GNAQ: variants seen among roughly 807,000 people sequenced by gnomAD.
GNAQ encodes the protein G protein subunit alpha q.
GNAQ carries 8 observed loss-of-function variants against 43.9 expected under a neutral mutation model. The observed-to-expected ratio is 0.18, with a 90% CI of 0.11 to 0.33. GNAQ has a LOEUF of 0.33. Among genes scored for constraint, GNAQ ranks in the 10% least tolerant of loss-of-function variants. GNAQ has a pLI of 1.00. For synonymous variants in GNAQ, 155 were observed against 170.7 expected (o/e 0.91, Z 0.71); for missense variants, 158 against 450.8 (o/e 0.35, Z 5.88).
At chr9:77,809,723 C>T (rs887579702) in intron 3 of GNAQ, among the ~76,000 whole-genome samples, 2 of 152,138 alleles carry the variant, frequency 1.3e-5, no homozygotes, top group African/African-American at 2.4e-5. Flanking sequence ...TCTATCATTG[C>T]TGCCTGTCCT....
At chr9:77,875,002 G>C (rs1828105824) in intron 2 of GNAQ, among the ~76,000 whole-genome samples, 2 of 151,988 alleles carry the variant, frequency 1.3e-5, no homozygotes, top group East Asian at 2.0e-4. Flanking sequence ...TGATGAGACA[G>C]TGAAGAACCC....
Position 77,850,271 on chromosome 9 carries a change from C to T in GNAQ, c.322-34501G>A, listed in dbSNP as rs1349708687. On this transcript the variant is annotated intron_variant, in intron 2 of 6. Coordinates refer to ENST00000286548, the MANE Select transcript of GNAQ (RefSeq NM_002072.5). ...CCCTCACTCACCAAGTCAGCTCTGC[C>T]AGAAATCCTGGACAACCCTGGCTCC... is the stretch of plus-strand genomic sequence containing the variant. Among the ~76,000 whole-genome samples, 7 of 152,274 alleles carry T rather than the reference C, an allele frequency of 4.6e-5. No homozygotes were observed. The East Asian group carries it at 1.2e-3, about 25-fold the overall frequency.
At chr9:77,890,954 C>T (rs536002387) in intron 2 of GNAQ, among the ~76,000 whole-genome samples, 4 of 152,264 alleles carry the variant, frequency 2.6e-5, no homozygotes, top group African/African-American at 9.6e-5. Context: ...GCTAGTGAGA[C>T]TCTGTCTCCC....
At chr9:77,820,471 G>T (rs866355202) in intron 2 of GNAQ, among the ~76,000 whole-genome samples, 3 of 152,140 alleles carry the variant, frequency 2.0e-5, no homozygotes, top group African/African-American at 7.2e-5. Flanking sequence ...TGCTGGCTGG[G>T]TTCTCATTGT....
intron 1 of GNAQ, among the ~76,000 whole-genome samples, chr9:77,951,217 C>T (rs939581734): frequency 6.6e-6 from 1 of 150,880 alleles, no homozygotes; most frequent in Non-Finnish European, 1.5e-5. Context: ...CCTGCCTCAG[C>T]CTCCCTAGTA....
At chr9:78,001,704 A>T (rs1283226869) in intron 1 of GNAQ, among the ~76,000 whole-genome samples, 1 of 152,066 alleles carries the variant, frequency 6.6e-6, no homozygotes, top group African/African-American at 2.4e-5. Context: ...AGACCCTCTC[A>T]TGAGTTCAGC....
chr9:77,753,266 C>T (rs907481474), intron 5 of GNAQ, among the ~76,000 whole-genome samples: 3 of 152,114 alleles, frequency 2.0e-5, no homozygotes, highest in African/African-American at 7.2e-5. Flanking sequence ...CACAAACACA[C>T]ATACACATGC....
chr9:77,836,026 T>A (rs1213777724), intron 2 of GNAQ, among the ~76,000 whole-genome samples: 1 of 152,026 alleles, frequency 6.6e-6, no homozygotes, highest in Admixed American at 6.6e-5. Context: ...AGAAAAAAAA[T>A]CTGAAATTTG....
At chr9:77,935,253 T>A (rs1330302714) in intron 1 of GNAQ, among the ~76,000 whole-genome samples, 1 of 152,154 alleles carries the variant, frequency 6.6e-6, no homozygotes, top group African/African-American at 2.4e-5. Context: ...AGTTTAAAAT[T>A]CTCTCTTGGG....
At chr9:77,834,731 T>G (rs753726106) in intron 2 of GNAQ, among the ~76,000 whole-genome samples, 1 of 152,160 alleles carries the variant, frequency 6.6e-6, no homozygotes, top group African/African-American at 2.4e-5. Flanking sequence ...TTCTGACATT[T>G]CCATAAGATT....
Position 77,798,508 on chromosome 9 carries a change from G to A in GNAQ, c.477-860C>T, listed in dbSNP as rs547227403. Among the ~76,000 whole-genome samples the A allele has an allele frequency of 1.1e-4, 16 of 152,028 alleles. No individual in the cohort carries two copies. The South Asian group carries it at 1.2e-3, about 12-fold the overall frequency. On this transcript the variant is annotated intron_variant, in intron 3 of 6. Transcript: ENST00000286548. ...CTACAGACCTTACTGAATTTTATCC[G>A]TTGTTATATACTCATATGCTATATA...
At chr9:77,761,061 A>G (rs1265746965) in intron 5 of GNAQ, among the ~76,000 whole-genome samples, 5 of 142,100 alleles carry the variant, frequency 3.5e-5, no homozygotes, top group Middle Eastern at 4.6e-3. Flanking sequence ...CAGCCACCCC[A>G]TCTGGGAAGT....
At chr9:77,946,506 TAGTC>T (rs1368713867) in intron 1 of GNAQ, among the ~76,000 whole-genome samples, 1 of 152,176 alleles carries the variant, frequency 6.6e-6, no homozygotes, top group Non-Finnish European at 1.5e-5. Context: ...GTCTTAGCAC[TAGTC>T]AGTCAGTGCC....
intron 1 of GNAQ, among the ~76,000 whole-genome samples, chr9:78,012,464 C>T (rs1823785721): frequency 6.6e-6 from 1 of 151,962 alleles, no homozygotes; most frequent in African/African-American, 2.4e-5. Flanking sequence ...GCCTTGGCCT[C>T]CCAAAGTGCT....
chr9:77,983,371 G>C (rs1823392946), intron 1 of GNAQ, among the ~76,000 whole-genome samples: 2 of 152,232 alleles, frequency 1.3e-5, no homozygotes, highest in South Asian at 4.1e-4. Context: ...TGTGGATGTA[G>C]GTGTTTATTC....
intron 5 of GNAQ, among the ~76,000 whole-genome samples, chr9:77,752,655 G>C (rs1444537148): frequency 3.9e-5 from 6 of 152,180 alleles, no homozygotes; most frequent in Non-Finnish European, 8.8e-5. Flanking sequence ...TGTGTTCTTA[G>C]ATGGAAATGC....
intron 1 of GNAQ, among the ~76,000 whole-genome samples, chr9:77,993,634 A>G (rs1002104812): frequency 2.0e-5 from 3 of 152,042 alleles, no homozygotes; most frequent in Admixed American, 2.0e-4. Flanking sequence ...CCTGGGAGGC[A>G]GAGGTTTCAG....
At chr9:77,753,086 C>CAAAAAAAA (rs547963667) in intron 5 of GNAQ, among the ~76,000 whole-genome samples, 3 of 52,920 alleles carry the variant, frequency 5.7e-5, no homozygotes, top group East Asian at 5.9e-4. Flanking sequence ...GACTCTGTCT[C>CAAAAAAAA]AAAAAAAAAA....
chr9:77,941,903 TACATAC>T (rs879824942), intron 1 of GNAQ, among the ~76,000 whole-genome samples: 2 of 90,406 alleles, frequency 2.2e-5, no homozygotes, highest in African/African-American at 4.5e-5. Context: ...ACATACAACA[TACATAC>T]ACACACACAC....
Sources: gnomAD v4.1 joint callset for allele counts (sites outside exome capture counted in the v4.1 genomes callset) on GRCh38, gnomAD v4.1.1 for gene constraint, MANE v1.5 for transcripts, NCBI Gene and HGNC (gene_info 2026-07-23, HGNC 2026-07-21) for gene names.